Variants in ZNF398 observed in about 807,000 individuals in gnomAD.
ZNF398 encodes the protein zinc finger DNA binding protein ZER6.
Under a neutral mutation model 41.9 loss-of-function variants are expected in ZNF398, and 18 were observed. That is an observed-to-expected ratio of 0.43 (90% CI 0.30 to 0.64). The LOEUF (loss-of-function observed/expected upper bound fraction) is 0.64. Ranked by LOEUF, ZNF398 falls within the 30% of genes least tolerant of loss-of-function variation. ZNF398 has a pLI of 0.14. For synonymous variants in ZNF398, 260 were observed against 308.8 expected (o/e 0.84, Z 1.66); for missense variants, 669 against 822.8 (o/e 0.81, Z 2.29).
intron 2 of ZNF398, among the ~76,000 whole-genome samples, chr7:149,133,689 G>C (rs889514865): frequency 2.7e-5 from 1 of 36,660 alleles, no homozygotes; most frequent in African/African-American, 8.5e-5. Flanking sequence ...ACATATATAT[G>C]TGTGTATATA....
At chr7:149,134,064 CTTTTTT>C (rs143211105) in intron 2 of ZNF398, among the ~76,000 whole-genome samples, 1 of 128,514 alleles carries the variant, frequency 7.8e-6, no homozygotes, top group Non-Finnish European at 1.6e-5. Context: ...CTGTTTTTGT[CTTTTTT>C]TTTTTTTTTT....
chr7:149,167,735 C>T (rs1194380739), intron 4 of ZNF398, among the ~76,000 whole-genome samples: 4 of 151,118 alleles, frequency 2.6e-5, no homozygotes, highest in African/African-American at 9.8e-5. Flanking sequence ...CTCAGGTTCC[C>T]AAGTAGCTGG....
chr7:149,154,035 G>C lies in ZNF398; in HGVS notation c.115G>C (p.Ala39Pro). Residue 39 changes from alanine (A) to proline (P), a missense_variant, in exon 2 of 6, where the codon GCA (alanine) becomes CCA (proline). Physicochemically the swap from Ala to Pro is conservative, Grantham distance 27 (BLOSUM62 -1). Around this residue, in one of 3 missense-constraint regions of ZNF398, gnomAD observed 169 missense variants for 239.5 expected, o/e 0.71. Coordinates refer to ENST00000475153, the MANE Select transcript of ZNF398 (RefSeq NM_170686.3). ...PAANEAHLQT[A>P]AISLWTVVAA... ...AGCAAATGAGGCACACCTGCAGACAGCAGCTATCTCTCTGTGGACAGTGGT... is the reference window on the plus strand; with the variant it reads ...AGCAAATGAGGCACACCTGCAGACACCAGCTATCTCTCTGTGGACAGTGGT... 1 of 1,614,176 alleles carries C rather than the reference G, an allele frequency of 6.2e-7. No homozygotes were observed. The highest frequency in any genetic ancestry group is 8.5e-7 in the Non-Finnish European group (1 of 1,180,034).
At chr7:149,156,524 AAAAG>A (rs1794983810) in intron 2 of ZNF398, among the ~76,000 whole-genome samples, 1 of 150,730 alleles carries the variant, frequency 6.6e-6, no homozygotes, top group African/African-American at 2.4e-5. Flanking sequence ...AAAAAAAAAA[AAAAG>A]AGTTACTGAT....
intron 4 of ZNF398, among the ~76,000 whole-genome samples, chr7:149,173,404 G>C (rs1563165737): frequency 6.6e-6 from 1 of 152,016 alleles, no homozygotes; most frequent in Non-Finnish European, 1.5e-5. Context: ...ACCATGCCTG[G>C]CTGAAATATG....
At chr7:149,127,401 A>C (rs375998588) in intron 1 of ZNF398, among the ~76,000 whole-genome samples, 2 of 143,290 alleles carry the variant, frequency 1.4e-5, no homozygotes, top group East Asian at 2.1e-4. Context: ...AAAAAAAAAA[A>C]CCTTACATTA....
At chr7:149,134,898 T>G (rs938135040) in intron 2 of ZNF398, among the ~76,000 whole-genome samples, 2 of 152,034 alleles carry the variant, frequency 1.3e-5, no homozygotes, top group African/African-American at 4.8e-5. Context: ...GCCCAGCTAA[T>G]TTTTGTATTT....
chr7:149,162,796 G>A (rs913618364), intron 2 of ZNF398, among the ~76,000 whole-genome samples: 9 of 151,900 alleles, frequency 5.9e-5, no homozygotes, highest in Admixed American at 1.3e-4. Context: ...AGTGGTTCAC[G>A]CCTGTACTCC....
chr7:149,151,060 G>C (rs1468240076), intron 1 of ZNF398: 1 of 196,860 alleles, frequency 5.1e-6, no homozygotes, highest in Non-Finnish European at 1.0e-5. Flanking sequence ...TGTACTAAAA[G>C]CTGAAGGACT....
upstream of ZNF398, among the ~76,000 whole-genome samples, chr7:149,146,771 A>G (rs2129519903): frequency 6.6e-6 from 1 of 151,706 alleles, no homozygotes; most frequent in Middle Eastern, 3.4e-3. Flanking sequence ...AATCGGTTGA[A>G]CCCGGAAGGC....
chr7:149,135,246 C>T (rs112735720), intron 2 of ZNF398, among the ~76,000 whole-genome samples: 1 of 151,534 alleles, frequency 6.6e-6, no homozygotes, highest in Middle Eastern at 3.2e-3. Flanking sequence ...AAAAAATAGC[C>T]GGGCGTCGTG....
At chr7:149,163,458 C>T (rs1795155859) in intron 2 of ZNF398, among the ~76,000 whole-genome samples, 1 of 148,978 alleles carries the variant, frequency 6.7e-6, no homozygotes. Context: ...CCGCAACCTC[C>T]GCCTCCCGAG....
chr7:149,127,361 T>G (rs1316424371), intron 1 of ZNF398, among the ~76,000 whole-genome samples: 1 of 149,296 alleles, frequency 6.7e-6, no homozygotes, highest in Non-Finnish European at 1.5e-5. Context: ...AATCGTGAAA[T>G]GTAGATGCAC....
rs374882084 is a variant in ZNF398 at position 149,166,817 on chromosome 7, A to G, written c.548A>G (p.Asp183Gly). ...KGNYESLISM[D>G]YAINQPDVLS... The stretch of plus-strand genomic sequence containing the variant: ...TCTCTCTTCCTTTTTCCTCTCCTAG[A>G]TTATGCTATAAATCAACCTGATGTC... Residue 183 changes from aspartate to glycine, a missense_variant and splice_region_variant, in exon 4 of 6, where the codon GAT becomes GGT. Coordinates refer to ENST00000475153, the MANE Select transcript of ZNF398 (RefSeq NM_170686.3). 4 of 1,603,744 alleles carry G rather than the reference A, an allele frequency of 2.5e-6. No homozygotes were observed. The African/African-American group carries it at 5.4e-5, about 21-fold the overall frequency.
rs1173877826 is a variant in ZNF398 at position 149,181,557 on chromosome 7, A to G, written c.*1756A>G. ...TCACTCTCTCTAGTTATGCATAACA[A>G]CACTAGAAGAAGGTGTTAGCCCAGC... is the stretch of plus-strand genomic sequence containing the variant. On this transcript the variant is annotated 3_prime_UTR_variant, in exon 6 of 6. Coordinates refer to ENST00000475153, the MANE Select transcript of ZNF398 (RefSeq NM_170686.3). 2.6e-5 allele frequency: 4 copies of G among 152,226 alleles called. No individual in the cohort carries two copies. Among genetic ancestry groups the G allele is most frequent in the Non-Finnish European group, 2.9e-5 (2 of 68,032 alleles). The allele number at this position is 152,226 out of a possible 1,614,324, so 9.4% of individuals were successfully genotyped here. A position where few individuals can be genotyped will look rare whatever the true frequency, so the allele number is the denominator to read the frequency against.
intron 2 of ZNF398, among the ~76,000 whole-genome samples, chr7:149,155,681 G>C (rs1028360207): frequency 8.1e-5 from 9 of 111,302 alleles, no homozygotes; most frequent in African/African-American, 3.2e-4. Context: ...AATTATATTT[G>C]GTTATATATA....
In ZNF398 at chr7:149,148,863, C is replaced by CTTTTTTT. The variant is rs59895177; in HGVS notation, c.24+1119_24+1125dup. Among the ~76,000 whole-genome samples the CTTTTTTT allele has an allele frequency of 2.9e-3, 186 of 63,274 alleles. 29 individuals are homozygous for CTTTTTTT. Among genetic ancestry groups the CTTTTTTT allele is most frequent in the African/African-American group, 6.2e-3 (89 of 14,460 alleles). 41.5% of individuals were successfully genotyped at this position (63,274 alleles called of 152,430 possible). A position where few individuals can be genotyped will look rare whatever the true frequency, so the allele number is the denominator to read the frequency against. ...TTTATGCACGGACCTTTTTCTTTGTCTTTTTTTTTTTTTTTTTTTTTTTTT... is the reference window on the plus strand; with the variant it reads ...TTTATGCACGGACCTTTTTCTTTGTCTTTTTTTTTTTTTTTTTTTTTTTTTTTTTTTT... On this transcript the variant is annotated intron_variant, in intron 1 of 5. Coordinates refer to ENST00000475153, the MANE Select transcript of ZNF398 (RefSeq NM_170686.3).
chr7:149,129,443 G>A (rs1054903186), intron 2 of ZNF398, among the ~76,000 whole-genome samples: 16 of 151,928 alleles, frequency 1.1e-4, no homozygotes, highest in African/African-American at 3.4e-4. Context: ...GCAGTGGCTC[G>A]ATCTTGGCTC....
rs866644553 is a variant in ZNF398 at position 149,163,750 on chromosome 7, A to G, written c.421-2408A>G. ...TTGGCCTTCCAAAGTTCTAGGAGCCACTGCGCCTGGCCAAAGTACCTTTTT... is the reference window on the plus strand; with the variant it reads ...TTGGCCTTCCAAAGTTCTAGGAGCCGCTGCGCCTGGCCAAAGTACCTTTTT... On this transcript the variant is annotated intron_variant, in intron 2 of 5. Coordinates refer to ENST00000475153, the MANE Select transcript of ZNF398 (RefSeq NM_170686.3). 1.2e-4 allele frequency among the ~76,000 whole-genome samples: 18 copies of G among 152,308 alleles called. 1 individual carries two copies. The highest frequency in any genetic ancestry group is 6.8e-3 in the Middle Eastern group (2 of 294).
Sources: allele counts gnomAD v4.1 joint callset (sites outside exome capture counted in the v4.1 genomes callset), GRCh38; gene constraint gnomAD v4.1.1; regional missense constraint gnomAD v4.1.1; transcripts MANE v1.5; gene names NCBI Gene and HGNC (gene_info 2026-07-23, HGNC 2026-07-21).